MAP7: variants seen among roughly 807,000 people sequenced by gnomAD.
The protein encoded by MAP7 is ensconsin.
A neutral mutation model predicts 94.8 loss-of-function variants in MAP7; 52 were observed. That is an observed-to-expected ratio of 0.55 (90% CI 0.44 to 0.69). The LOEUF (loss-of-function observed/expected upper bound fraction) is 0.69, where lower values mean the gene tolerates loss of function less well. Among genes scored for constraint, MAP7 ranks in the 30% least tolerant of loss-of-function variants. MAP7 has a pLI of 0.00. For synonymous variants in MAP7, 350 were observed against 357.0 expected (o/e 0.98, Z 0.22); for missense variants, 940 against 964.6 (o/e 0.97, Z 0.34).
intron 1 of MAP7, among the ~76,000 whole-genome samples, chr6:136,515,585 T>C (rs991058424): frequency 1.1e-4 from 16 of 152,306 alleles, no homozygotes; most frequent in African/African-American, 3.6e-4. Flanking sequence ...TTAACTTCAT[T>C]TCAAAATTGT....
intron 1 of MAP7, among the ~76,000 whole-genome samples, chr6:136,507,475 CAAAAA>C (rs10711278): frequency 1.1e-5 from 1 of 87,258 alleles, no homozygotes; most frequent in Admixed American, 1.2e-4. Flanking sequence ...AGAAGATTCT[CAAAAA>C]AAAAAAAAAA....
intron 15 of MAP7, among the ~76,000 whole-genome samples, chr6:136,358,865 C>T (rs1441389832): frequency 6.6e-6 from 1 of 152,154 alleles, no homozygotes; most frequent in East Asian, 1.9e-4. Flanking sequence ...AGCTGGGGGA[C>T]CGGGGCCCCA....
In MAP7 at chr6:136,453,086, G is replaced by A. The variant is rs191215256; in HGVS notation, c.68-31287C>T. Among the ~76,000 whole-genome samples the A allele has an allele frequency of 6.6e-5, 10 of 152,204 alleles. No homozygotes were observed. The East Asian group carries it at 1.7e-3, about 26-fold the overall frequency. On this transcript the variant is annotated intron_variant, in intron 1 of 17. Coordinates refer to ENST00000354570, the MANE Select transcript of MAP7 (RefSeq NM_003980.6). ...TTCCCTAGGCATCTCTCATGAATAC[G>A]TGAAGTATATATGTTAATAAACTTC...
At chr6:136,529,910 C>CA (rs1828333442) in intron 1 of MAP7, among the ~76,000 whole-genome samples, 1 of 152,170 alleles carries the variant, frequency 6.6e-6, no homozygotes, top group South Asian at 2.1e-4. Context: ...GAATATGAAA[C>CA]AGAGTCAAAC....
chr6:136,545,763 A>T (rs979482544), intron 1 of MAP7, among the ~76,000 whole-genome samples: 3 of 144,206 alleles, frequency 2.1e-5, no homozygotes, highest in African/African-American at 7.8e-5. Flanking sequence ...AACAAATTTA[A>T]TTTTTTTTTA....
intron 8 of MAP7, among the ~76,000 whole-genome samples, chr6:136,368,794 A>G (rs1437981459): frequency 6.6e-6 from 1 of 152,254 alleles, no homozygotes; most frequent in Non-Finnish European, 1.5e-5. Context: ...TGCAGGGATT[A>G]GAAGATTTAA....
At chr6:136,493,908 T>C (rs1817464902) in intron 1 of MAP7, among the ~76,000 whole-genome samples, 1 of 152,216 alleles carries the variant, frequency 6.6e-6, no homozygotes, top group Non-Finnish European at 1.5e-5. Context: ...AGACTATTAT[T>C]TAAGCTTTGA....
At chr6:136,405,489 T>C (rs1785319335) in intron 3 of MAP7, among the ~76,000 whole-genome samples, 1 of 152,202 alleles carries the variant, frequency 6.6e-6, no homozygotes, top group Admixed American at 6.5e-5. Context: ...TTGGCTGTAG[T>C]GTTTAAGAAA....
intron 1 of MAP7, among the ~76,000 whole-genome samples, chr6:136,536,990 C>G (rs1055896049): frequency 6.6e-6 from 1 of 152,176 alleles, no homozygotes; most frequent in Admixed American, 6.5e-5. Context: ...CATATACAGG[C>G]CTTCTCTCTT....
At chr6:136,468,267 C>T (rs1807801955) in intron 1 of MAP7, among the ~76,000 whole-genome samples, 1 of 152,036 alleles carries the variant, frequency 6.6e-6, no homozygotes, top group South Asian at 2.1e-4. Flanking sequence ...TTGTGGGTGG[C>T]AGCTGAAATT....
chr6:136,520,218 G>C (rs986163732), intron 1 of MAP7, among the ~76,000 whole-genome samples: 6 of 150,784 alleles, frequency 4.0e-5, no homozygotes, highest in South Asian at 4.2e-4. Context: ...AAAAAAAAAG[G>C]GGGGAGGAGC....
chr6:136,449,576 T>C (rs1301823759), intron 1 of MAP7, among the ~76,000 whole-genome samples: 1 of 152,246 alleles, frequency 6.6e-6, no homozygotes. Flanking sequence ...GCTGCTGTGA[T>C]TGGCTGATAC....
chr6:136,414,583 C>T (rs1473521893), intron 2 of MAP7, among the ~76,000 whole-genome samples: 4 of 151,928 alleles, frequency 2.6e-5, no homozygotes, highest in Admixed American at 6.6e-5. Flanking sequence ...AAAAGAAAGA[C>T]CTTTAACAAT....
intron 1 of MAP7, among the ~76,000 whole-genome samples, chr6:136,527,875 C>T (rs899135673): frequency 1.3e-5 from 2 of 152,184 alleles, no homozygotes; most frequent in Admixed American, 1.3e-4. Context: ...TTTCCCTCCA[C>T]AGGCTGCTTG....
intron 3 of MAP7, among the ~76,000 whole-genome samples, chr6:136,402,688 C>T (rs1391593532): frequency 2.6e-5 from 4 of 152,016 alleles, no homozygotes; most frequent in East Asian, 1.9e-4. Context: ...CGGCGGATCA[C>T]GAGGTCAGGA....
Position 136,359,897 on chromosome 6 carries a change from A to G in MAP7, c.1855-20T>C. The G allele has an allele frequency of 6.2e-7, 1 of 1,612,194 alleles. No homozygotes were observed. The highest frequency in any genetic ancestry group is 8.5e-7 in the Non-Finnish European group (1 of 1,179,452). ...GGTTTTCTACGAAGAAGAAAAAAAG[A>G]GGACTTTTAAAAATTAGAGTTACAA... is the stretch of plus-strand genomic sequence containing the variant. On this transcript the variant is annotated intron_variant, in intron 14 of 17. Coordinates refer to ENST00000354570, the MANE Select transcript of MAP7 (RefSeq NM_003980.6).
chr6:136,362,227 C>G (rs1476306040), intron 11 of MAP7, among the ~76,000 whole-genome samples: 6 of 151,858 alleles, frequency 4.0e-5, no homozygotes, highest in Non-Finnish European at 8.8e-5. Flanking sequence ...TTGAGACCAG[C>G]CTGGGCAATA....
rs1778437532 is a variant in MAP7, at chr6:136,383,783, T to G, written c.527-2A>C. ...TGGAAACTGACCGCCTGTCTGGATC[T>G]AAAACAAATGGAGATAATGCTAATT... On this transcript the variant is annotated splice_acceptor_variant, in intron 5 of 17. Coordinates refer to ENST00000354570, the MANE Select transcript of MAP7 (RefSeq NM_003980.6). LOFTEE classifies it high-confidence loss of function. 2 of 1,569,220 alleles carry G rather than the reference T, an allele frequency of 1.3e-6. No individual in the cohort carries two copies.
intron 3 of MAP7, among the ~76,000 whole-genome samples, chr6:136,397,541 C>A (rs186876812): frequency 8.5e-6 from 1 of 116,976 alleles, no homozygotes; most frequent in South Asian, 3.1e-4. Flanking sequence ...GAAGCCCTAA[C>A]CCCCAAGGTA....
Sources: gnomAD v4.1 joint callset for allele counts (sites outside exome capture counted in the v4.1 genomes callset) on GRCh38, gnomAD v4.1.1 for gene constraint, MANE v1.5 for transcripts, NCBI Gene and HGNC (gene_info 2026-07-23, HGNC 2026-07-21) for gene names.